TMEM170A: variants seen among roughly 807,000 people sequenced by gnomAD.
The protein encoded by TMEM170A is transmembrane protein 170.
A neutral mutation model predicts 12.8 loss-of-function variants in TMEM170A; 18 were observed. That is an observed-to-expected ratio of 1.41 (90% confidence interval 0.97 to 2.09). The LOEUF (loss-of-function observed/expected upper bound fraction) is 2.09. Among genes scored for constraint, TMEM170A ranks in the 30% most tolerant of loss-of-function variants. The pLI is 0.00. For missense variants in TMEM170A, 220 were observed against 179.9 expected (o/e 1.22, Z -1.28); for synonymous variants, 107 against 76.2 (o/e 1.40, Z -2.11).
chr16:75,449,050 G>C (rs1037305564), intron 2 of TMEM170A, among the ~76,000 whole-genome samples: 3 of 151,854 alleles, frequency 2.0e-5, no homozygotes, highest in African/African-American at 4.8e-5. Flanking sequence ...GACAGAACAA[G>C]ACCCTGTTCT....
intron 1 of TMEM170A, among the ~76,000 whole-genome samples, chr16:75,457,666 G>A (rs1382880771): frequency 6.6e-6 from 1 of 152,132 alleles, no homozygotes; most frequent in African/African-American, 2.4e-5. Context: ...TAGGAGCACA[G>A]CCCCTGCCCC....
In TMEM170A at chr16:75,464,662, G is replaced by T. The variant is rs2079967488; in HGVS notation, c.-62C>A. 3 of 1,531,358 alleles carry T rather than the reference G, an allele frequency of 2.0e-6. No homozygotes were observed. Among genetic ancestry groups the T allele is most frequent in the African/African-American group, 2.9e-5 (2 of 69,670 alleles). The allele number at this position is 1,531,358 out of a possible 1,614,324, so 94.9% of individuals were successfully genotyped here. On this transcript the variant is annotated 5_prime_UTR_variant, in exon 1 of 3. Coordinates refer to ENST00000561878, the MANE Select transcript of TMEM170A (RefSeq NM_145254.3). The stretch of plus-strand genomic sequence containing the variant: ...CGCCCGAAGTGCGGTAGCGGCCGGC[G>T]CCGACTCACCCTCGCCGCCTCAGCG...
At chr16:75,464,055 C>T (rs1482326540) in intron 1 of TMEM170A, among the ~76,000 whole-genome samples, 3 of 152,224 alleles carry the variant, frequency 2.0e-5, no homozygotes, top group Non-Finnish European at 2.9e-5. Flanking sequence ...CTCCTCAGCG[C>T]GGCCGGGCCG....
rs2079595404 is a variant in TMEM170A, at chr16:75,446,860, C to G, written c.*698G>C. ...AATCTAAAAAGTCTAAATTAGCTAG[C>G]TTATTTTGATAAAACATACAAAATA... On this transcript the variant is annotated 3_prime_UTR_variant, in exon 3 of 3. Coordinates refer to ENST00000561878, the MANE Select transcript of TMEM170A (RefSeq NM_145254.3). 1 of 152,074 alleles carries G rather than the reference C, an allele frequency of 6.6e-6. No homozygotes were observed. The highest frequency in any genetic ancestry group is 1.5e-5 in the Non-Finnish European group (1 of 67,992). The allele number at this position is 152,074 out of a possible 1,614,324, so 9.4% of individuals were successfully genotyped here.
chr16:75,451,610 T>A (rs2079683323), intron 2 of TMEM170A, 59 bp downstream of exon 2: 1 of 1,555,532 alleles, frequency 6.4e-7, no homozygotes, highest in African/African-American at 1.4e-5. Flanking sequence ...CTAGAATAGG[T>A]CCTGAAATTG....
Position 75,457,142 on chromosome 16 carries a change from G to A in TMEM170A, c.134-5303C>T, listed in dbSNP as rs1650327709. On this transcript the variant is annotated intron_variant, in intron 1 of 2. Transcript: ENST00000561878. ...TCAGCCCTGGGTCCCTGCTATCCAG[G>A]GCTTCTGCTGGAGCTGCCAGAGTTT... is the stretch of plus-strand genomic sequence containing the variant. 3.9e-5 allele frequency among the ~76,000 whole-genome samples: 6 copies of A among 152,046 alleles called. No individual in the cohort carries two copies. In the South Asian group the frequency reaches 1.3e-3, roughly 32 times the overall value.
intron 1 of TMEM170A, among the ~76,000 whole-genome samples, chr16:75,462,756 A>G (rs1371766763): frequency 6.6e-6 from 1 of 152,208 alleles, no homozygotes; most frequent in East Asian, 1.9e-4. Context: ...CAATGTGTGA[A>G]CCTTAGATCA....
chr16:75,461,677 G>A (rs1346988137), intron 1 of TMEM170A, among the ~76,000 whole-genome samples: 1 of 152,160 alleles, frequency 6.6e-6, no homozygotes, highest in African/African-American at 2.4e-5. Context: ...GAGGTTATGT[G>A]TTTACTACCA....
chr16:75,447,416 G>C lies in TMEM170A; in HGVS notation c.*142C>G. The stretch of plus-strand genomic sequence containing the variant: ...TCTAGGAGCTTCAAAATGAAGAAAA[G>C]GCTGAGATGTGTTGTCCTTCATGTT... On this transcript the variant is annotated 3_prime_UTR_variant, in exon 3 of 3. Coordinates refer to ENST00000561878, the MANE Select transcript of TMEM170A (RefSeq NM_145254.3). The C allele has an allele frequency of 2.3e-6, 2 of 882,880 alleles. No individual in the cohort carries two copies. The highest frequency in any genetic ancestry group is 3.1e-5 in the South Asian group (1 of 31,828). 54.7% of individuals were successfully genotyped at this position (882,880 alleles called of 1,614,324 possible). A position where few individuals can be genotyped will look rare whatever the true frequency, so the allele number is the denominator to read the frequency against.
At chr16:75,450,967 T>C (rs1206468463) in intron 2 of TMEM170A, among the ~76,000 whole-genome samples, 1 of 151,846 alleles carries the variant, frequency 6.6e-6, no homozygotes, top group Non-Finnish European at 1.5e-5. Flanking sequence ...TGGCAAAGAA[T>C]TCTTGTCATC....
At chr16:75,464,288 A>G in intron 1 of TMEM170A, 180 bp downstream of exon 1, 1 of 1,488,116 alleles carries the variant, frequency 6.7e-7, no homozygotes, top group Non-Finnish European at 8.9e-7. Flanking sequence ...CGCCTCAGGG[A>G]CCGCCGAAGA....
At chr16:75,452,380 G>A (rs947730916) in intron 1 of TMEM170A, among the ~76,000 whole-genome samples, 2 of 152,136 alleles carry the variant, frequency 1.3e-5, no homozygotes, top group Non-Finnish European at 2.9e-5. Flanking sequence ...GTGTTCTCCC[G>A]CCTCAGCCTC....
chr16:75,464,390 C>G, intron 1 of TMEM170A, 78 bp downstream of exon 1: 1 of 1,380,514 alleles, frequency 7.2e-7, no homozygotes, highest in Non-Finnish European at 9.4e-7. Context: ...CCCGGGACCC[C>G]GCCCAGACTC....
At chr16:75,450,165 T>A in intron 2 of TMEM170A, among the ~76,000 whole-genome samples, 1 of 125,044 alleles carries the variant, frequency 8.0e-6, no homozygotes, top group South Asian at 2.6e-4. Context: ...ACAGAGAAAC[T>A]AGGCCACTTT....
chr16:75,456,374 G>A (rs1286512668), intron 1 of TMEM170A, among the ~76,000 whole-genome samples: 1 of 152,010 alleles, frequency 6.6e-6, no homozygotes, highest in Non-Finnish European at 1.5e-5. Context: ...GATCATCTGA[G>A]GTTAGGAGTT....
At chr16:75,463,163 C>A (rs1316920125) in intron 1 of TMEM170A, among the ~76,000 whole-genome samples, 2 of 152,164 alleles carry the variant, frequency 1.3e-5, no homozygotes, top group Non-Finnish European at 2.9e-5. Context: ...GTTCTCTCAA[C>A]TGTTTGGCAG....
At chr16:75,453,176 G>A (rs1159419192) in intron 1 of TMEM170A, among the ~76,000 whole-genome samples, 1 of 152,206 alleles carries the variant, frequency 6.6e-6, no homozygotes, top group African/African-American at 2.4e-5. Context: ...GCTCACGACT[G>A]TAATCCCAAC....
Position 75,447,403 on chromosome 16 carries a change from A to AG in TMEM170A, c.*154_*155insC. 1 of 795,132 alleles carries AG rather than the reference A, an allele frequency of 1.3e-6. No individual in the cohort carries two copies. The highest frequency in any genetic ancestry group is 1.8e-6 in the Non-Finnish European group (1 of 563,740). 49.3% of individuals were successfully genotyped at this position (795,132 alleles called of 1,614,324 possible). On this transcript the variant is annotated 3_prime_UTR_variant, in exon 3 of 3. Coordinates refer to ENST00000561878, the MANE Select transcript of TMEM170A (RefSeq NM_145254.3). ...ATAAGTCTTCAATTCTAGGAGCTTCAAAATGAAGAAAAGGCTGAGATGTGT... is the reference window on the plus strand; with the variant it reads ...ATAAGTCTTCAATTCTAGGAGCTTCAGAAATGAAGAAAAGGCTGAGATGTGT...
chr16:75,451,508 C>T (rs368673185), intron 2 of TMEM170A, 161 bp downstream of exon 2: 9 of 703,470 alleles, frequency 1.3e-5, no homozygotes, highest in African/African-American at 3.5e-5. Context: ...AATATTGCAA[C>T]CACTGCACTC....
Sources: gnomAD v4.1 joint callset for allele counts (sites outside exome capture counted in the v4.1 genomes callset) on GRCh38, gnomAD v4.1.1 for gene constraint, MANE v1.5 for transcripts, NCBI Gene and HGNC (gene_info 2026-07-23, HGNC 2026-07-21) for gene names.